Variants in ASTN2 observed in about 807,000 individuals in gnomAD.
ASTN2 encodes the protein astrotactin 2, also known as astrotactin-2.
A neutral mutation model predicts 139.8 loss-of-function variants in ASTN2; 54 were observed. That is an observed-to-expected ratio of 0.39 (90% CI 0.31 to 0.48). ASTN2 has a LOEUF of 0.48. ASTN2 is among the 20% of genes least tolerant of loss of function. ASTN2 has a pLI of 0.95. For missense variants in ASTN2, 1,565 were observed against 1,725.1 expected, an observed-to-expected ratio of 0.91 and a Z score of 1.64; for synonymous variants, 756 against 719.5, an observed-to-expected ratio of 1.05 and a Z score of -0.81.
intron 6 of ASTN2, among the ~76,000 whole-genome samples, chr9:117,026,970 A>G (rs949592874): frequency 1.4e-4 from 21 of 152,186 alleles, no homozygotes; most frequent in African/African-American, 2.2e-4. Flanking sequence ...AGAGGCAGGT[A>G]TCAAACTCTG....
intron 19 of ASTN2, among the ~76,000 whole-genome samples, chr9:116,506,414 A>G (rs1850110432): frequency 1.3e-5 from 2 of 151,936 alleles, no homozygotes; most frequent in Non-Finnish European, 2.9e-5. Context: ...GCTCCCCTTC[A>G]CCTCCAAGCA....
At chr9:117,000,341 A>G (rs115047092) in intron 7 of ASTN2, among the ~76,000 whole-genome samples, 1,994 of 152,344 alleles carry the variant, frequency 0.013, 57 homozygotes, top group African/African-American at 0.046. Flanking sequence ...TCAGGAAGAT[A>G]TCCCAATTCT....
At chr9:117,371,494 T>C (rs1829989319) in intron 1 of ASTN2, among the ~76,000 whole-genome samples, 1 of 152,140 alleles carries the variant, frequency 6.6e-6, no homozygotes, top group African/African-American at 2.4e-5. Context: ...TTCCAAGGAA[T>C]GTTTCCAAGG....
chr9:116,490,669 T>C (rs1849492335), intron 19 of ASTN2, among the ~76,000 whole-genome samples: 1 of 152,094 alleles, frequency 6.6e-6, no homozygotes, highest in African/African-American at 2.4e-5. Context: ...GGAGAGAGAA[T>C]GAGTGCCCAG....
intron 16 of ASTN2, among the ~76,000 whole-genome samples, chr9:116,723,160 G>A (rs948082399): frequency 2.0e-5 from 3 of 150,852 alleles, no homozygotes; most frequent in Non-Finnish European, 4.4e-5. Context: ...CTGAGACTCC[G>A]TCTCAAAAAA....
At position 116,710,725 on chromosome 9, in the gene ASTN2, C is replaced by T. The variant is rs1168031885; in HGVS notation, c.2806+15046G>A. Among the ~76,000 whole-genome samples the T allele has an allele frequency of 6.1e-5, 4 of 65,072 alleles. No homozygotes were observed. In the Admixed American group the frequency reaches 1.1e-3, roughly 18 times the overall value. The allele number at this position is 65,072 out of a possible 152,430, so 42.7% of individuals were successfully genotyped here. Reference sequence around the variant, plus strand: ...TCCAGCCTGGGCAACAAGAGTGAAACTCCGTCTCAAAAAAAAAAAAAAAAA... The same window carrying T: ...TCCAGCCTGGGCAACAAGAGTGAAATTCCGTCTCAAAAAAAAAAAAAAAAA... On this transcript the variant is annotated intron_variant, in intron 16 of 22. Coordinates refer to ENST00000313400, the MANE Select transcript of ASTN2 (RefSeq NM_001365068.1).
chr9:116,939,345 G>A (rs2132466272), intron 10 of ASTN2, among the ~76,000 whole-genome samples: 1 of 151,972 alleles, frequency 6.6e-6, no homozygotes, highest in African/African-American at 2.4e-5. Context: ...TAAAATTATT[G>A]TTTTATTATT....
At chr9:117,376,760 A>T (rs369082779) in intron 1 of ASTN2, among the ~76,000 whole-genome samples, 1 of 152,144 alleles carries the variant, frequency 6.6e-6, no homozygotes, top group South Asian at 2.1e-4. Context: ...TGGGAAGAAA[A>T]AATGAGATAA....
chr9:117,103,023 A>T (rs1477380074), intron 4 of ASTN2, among the ~76,000 whole-genome samples: 1 of 152,152 alleles, frequency 6.6e-6, no homozygotes, highest in Non-Finnish European at 1.5e-5. Context: ...TCAAGAGCTC[A>T]GACCTCTGGA....
At chr9:117,311,496 C>T (rs1025611899) in intron 1 of ASTN2, among the ~76,000 whole-genome samples, 1 of 152,088 alleles carries the variant, frequency 6.6e-6, no homozygotes, top group African/African-American at 2.4e-5. Flanking sequence ...GGGAGCATAG[C>T]CCATCCAGAA....
intron 1 of ASTN2, among the ~76,000 whole-genome samples, chr9:117,312,213 G>A (rs953302307): frequency 6.6e-6 from 1 of 152,098 alleles, no homozygotes; most frequent in African/African-American, 2.4e-5. Context: ...CCAAAGAGTG[G>A]GAAAATGCAC....
chr9:116,469,810 C>T (rs1848758131), intron 20 of ASTN2, among the ~76,000 whole-genome samples: 1 of 152,094 alleles, frequency 6.6e-6, no homozygotes, highest in East Asian at 1.9e-4. Flanking sequence ...CGTTAATACA[C>T]ACATAAATCT....
intron 2 of ASTN2, among the ~76,000 whole-genome samples, chr9:117,290,893 C>G (rs1834573536): frequency 6.6e-6 from 1 of 152,206 alleles, no homozygotes; most frequent in Non-Finnish European, 1.5e-5. Context: ...AGGGTTAAAA[C>G]ACCTGACACA....
intron 10 of ASTN2, among the ~76,000 whole-genome samples, chr9:116,882,805 TGACA>T (rs1037075779): frequency 2.0e-5 from 3 of 149,670 alleles, no homozygotes; most frequent in African/African-American, 4.9e-5. Flanking sequence ...GAAGCCTGGG[TGACA>T]GACAGAGACC....
chr9:117,267,262 G>C (rs1343357639), intron 2 of ASTN2, among the ~76,000 whole-genome samples: 1 of 152,170 alleles, frequency 6.6e-6, no homozygotes, highest in East Asian at 1.9e-4. Context: ...AGGAGGAGGA[G>C]ACCATGGAGA....
chr9:117,262,536 C>G (rs1394381827), intron 2 of ASTN2, among the ~76,000 whole-genome samples: 3 of 152,062 alleles, frequency 2.0e-5, no homozygotes, highest in Non-Finnish European at 4.4e-5. Flanking sequence ...ATCTGGCTGG[C>G]CTGAGTCTCA....
chr9:117,226,592 G>GGTTT (rs199945152), intron 2 of ASTN2, among the ~76,000 whole-genome samples: 1 of 148,892 alleles, frequency 6.7e-6, no homozygotes, highest in African/African-American at 2.5e-5. Flanking sequence ...TCATAAAGCG[G>GGTTT]GTTTGTTTGT....
intron 22 of ASTN2, among the ~76,000 whole-genome samples, chr9:116,429,333 C>T (rs1267650383): frequency 1.2e-5 from 1 of 81,580 alleles, no homozygotes; most frequent in East Asian, 5.4e-4. Flanking sequence ...TAGCGAAACT[C>T]TATCTGAAAA....
intron 4 of ASTN2, among the ~76,000 whole-genome samples, chr9:117,122,854 T>C (rs1047179458): frequency 6.6e-6 from 1 of 152,088 alleles, no homozygotes; most frequent in Admixed American, 6.6e-5. Context: ...GCGAAACATG[T>C]CCCAATTCCC....
Sources: allele counts gnomAD v4.1 joint callset (sites outside exome capture counted in the v4.1 genomes callset), GRCh38; gene constraint gnomAD v4.1.1; transcripts MANE v1.5; gene names NCBI Gene and HGNC (gene_info 2026-07-23, HGNC 2026-07-21).